The following VAV2 variants were observed in gnomAD, a reference collection of about 807,000 sequenced individuals.
VAV2 encodes vav guanine nucleotide exchange factor 2.
In VAV2, 67 loss-of-function variants were observed where a neutral mutation model predicts 132.5. The observed-to-expected ratio is 0.51, with a 90% CI of 0.42 to 0.62. The LOEUF is 0.62. VAV2 is among the 20% of genes least tolerant of loss of function. The probability of loss-of-function intolerance (pLI) is 0.00; values close to 1 mark genes in which losing one functional copy is unlikely to be tolerated. For missense variants in VAV2, 938 were observed against 1,153.6 expected (o/e 0.81, Z 2.71); for synonymous variants, 492 against 443.5 (o/e 1.11, Z -1.37).
At chr9:133,894,839 C>T (rs1356524998) in intron 2 of VAV2, among the ~76,000 whole-genome samples, 3 of 152,208 alleles carry the variant, frequency 2.0e-5, no homozygotes, top group African/African-American at 7.2e-5. Flanking sequence ...CAGGGCCTGC[C>T]ATGACGCTAT....
At chr9:133,968,026 T>C (rs1372139320) in intron 1 of VAV2, among the ~76,000 whole-genome samples, 2 of 144,618 alleles carry the variant, frequency 1.4e-5, no homozygotes, top group Non-Finnish European at 3.0e-5. Context: ...AGGGACAGAG[T>C]GGAATGATGG....
chr9:133,890,559 T>C (rs1424370836), intron 2 of VAV2, among the ~76,000 whole-genome samples: 1 of 151,806 alleles, frequency 6.6e-6, no homozygotes, highest in Non-Finnish European at 1.5e-5. Flanking sequence ...CCTTTGTCCA[T>C]GAGAGGCAGA....
intron 1 of VAV2, among the ~76,000 whole-genome samples, chr9:133,971,785 G>C (rs1490081427): frequency 6.6e-6 from 1 of 152,152 alleles, no homozygotes; most frequent in Non-Finnish European, 1.5e-5. Context: ...GCACCACCCG[G>C]GTCCTGAATC....
chr9:133,991,673 CA>C lies in VAV2; in HGVS notation c.204+401del, dbSNP rs1392190317. Reference sequence around the variant, plus strand: ...GCCCGCTCTTCCACCGGCGTCCGGCCAGGAGGCGCGAGGCCCAAGGATGCGA... The same window carrying C: ...GCCCGCTCTTCCACCGGCGTCCGGCCGGAGGCGCGAGGCCCAAGGATGCGA... On this transcript the variant is annotated intron_variant, in intron 1 of 29. Coordinates refer to ENST00000371850, the MANE Select transcript of VAV2 (RefSeq NM_001134398.2). The surrounding 1 kb of genome is among the most constrained non-coding windows in gnomAD (Gnocchi z 4.8). 2.6e-5 allele frequency among the ~76,000 whole-genome samples: 4 copies of C among 151,370 alleles called. No individual in the cohort carries two copies. Among genetic ancestry groups the C allele is most frequent in the African/African-American group, 9.7e-5 (4 of 41,340 alleles).
chr9:133,863,612 A>G lies in VAV2; in HGVS notation c.322-2180T>C, dbSNP rs73662307. ...CGCTTTGCCCCAGGATGAACGTGTCACGAGCAGCTGATGAAGGGCTCTGGA... is the reference window on the plus strand; with the variant it reads ...CGCTTTGCCCCAGGATGAACGTGTCGCGAGCAGCTGATGAAGGGCTCTGGA... On this transcript the variant is annotated intron_variant, in intron 2 of 29. Coordinates refer to ENST00000371850, the MANE Select transcript of VAV2 (RefSeq NM_001134398.2). The surrounding 1 kb of genome is among the most constrained non-coding windows in gnomAD (Gnocchi z 5.0). Among the ~76,000 whole-genome samples the G allele has an allele frequency of 0.028, 4,272 of 152,224 alleles. 189 individuals carry two copies. Among genetic ancestry groups the G allele is most frequent in the African/African-American group, 0.096 (3,981 of 41,516 alleles).
chr9:133,792,228 G>T (rs1834510783), intron 12 of VAV2, among the ~76,000 whole-genome samples: 1 of 147,846 alleles, frequency 6.8e-6, no homozygotes, highest in Non-Finnish European at 1.5e-5. Flanking sequence ...TGTGCTGGTT[G>T]GGGTGTGTGT....
chr9:133,842,616 G>C (rs1171802703), intron 3 of VAV2, among the ~76,000 whole-genome samples: 1 of 152,224 alleles, frequency 6.6e-6, no homozygotes, highest in Non-Finnish European at 1.5e-5. Flanking sequence ...ACACTATCGG[G>C]GGGTGGTGGG....
Position 133,777,395 on chromosome 9 carries a change from A to T in VAV2, c.1959T>A (p.Asp653Glu), listed in dbSNP as rs745423288. The change falls in exon 23 of 30, where the codon GAT becomes GAA. Residue 653 changes from aspartate to glutamate, a missense_variant. Asp to Glu is a conservative substitution (Grantham distance 45). Coordinates refer to ENST00000371850, the MANE Select transcript of VAV2 (RefSeq NM_001134398.2). The part of the protein sequence containing the change: ...PSSSVKPCPV[D>E]GRPPISRPPS... ...TCTGTGGGAAAGGACTCACCCTTCC[A>T]TCCACAGGGCAGGGCTTCACAGATG... 9.3e-6 allele frequency: 15 copies of T among 1,613,638 alleles called. No individual in the cohort carries two copies. The highest frequency in any genetic ancestry group is 1.3e-5 in the Non-Finnish European group (15 of 1,179,980).
intron 4 of VAV2, among the ~76,000 whole-genome samples, chr9:133,820,777 TGGA>T: frequency 6.6e-6 from 1 of 152,120 alleles, no homozygotes; most frequent in Non-Finnish European, 1.5e-5. Context: ...GGGGCTGGGC[TGGA>T]GGAGGGGTAT....
rs1011637301 is a variant in VAV2, at chr9:133,991,145, G to A, written c.204+930C>T. ...GGGCTGCTGAGCTGGCTGGAAGACC[G>A]CACCTCCTCGGCGCTGGGTGGACCC... is the stretch of plus-strand genomic sequence containing the variant. On this transcript the variant is annotated intron_variant, in intron 1 of 29. Coordinates refer to ENST00000371850, the MANE Select transcript of VAV2 (RefSeq NM_001134398.2). The surrounding 1 kb of genome is among the most constrained non-coding windows in gnomAD (Gnocchi z 4.8). 6.6e-6 allele frequency among the ~76,000 whole-genome samples: 1 copy of A among 152,028 alleles called. No homozygotes were observed. The highest frequency in any genetic ancestry group is 1.5e-5 in the Non-Finnish European group (1 of 68,006).
Position 133,842,113 on chromosome 9 carries a change from C to G in VAV2, c.381-7773G>C, listed in dbSNP as rs2428119. Among the ~76,000 whole-genome samples, 1,399 of 152,320 alleles carry G rather than the reference C, an allele frequency of 9.2e-3. 19 individuals carry two copies. Among genetic ancestry groups the G allele is most frequent in the African/African-American group, 0.032 (1,315 of 41,552 alleles). Reference sequence around the variant, plus strand: ...TGACGATTGCAGAAGGTACAGAAATCAGTGCTTGGCTCATCCAGCCATCAT... The same window carrying G: ...TGACGATTGCAGAAGGTACAGAAATGAGTGCTTGGCTCATCCAGCCATCAT... On this transcript the variant is annotated intron_variant, in intron 3 of 29. Coordinates refer to ENST00000371850, the MANE Select transcript of VAV2 (RefSeq NM_001134398.2).
chr9:133,936,633 C>T (rs1425684523), intron 2 of VAV2, among the ~76,000 whole-genome samples: 1 of 152,178 alleles, frequency 6.6e-6, no homozygotes, highest in African/African-American at 2.4e-5. Context: ...TTTTAAGCGA[C>T]CGGTGGGGGG....
chr9:133,951,870 C>T (rs887874031), intron 1 of VAV2, among the ~76,000 whole-genome samples: 5 of 152,152 alleles, frequency 3.3e-5, no homozygotes, highest in African/African-American at 9.7e-5. Context: ...ACAGCAAAAT[C>T]CCACAGCCCG....
intron 2 of VAV2, among the ~76,000 whole-genome samples, chr9:133,870,235 A>C (rs1195251516): frequency 1.3e-5 from 2 of 152,156 alleles, no homozygotes; most frequent in African/African-American, 2.4e-5. Flanking sequence ...CATCAATATC[A>C]GAAGTTTCTT....
At chr9:133,888,657 C>T (rs963680490) in intron 2 of VAV2, among the ~76,000 whole-genome samples, 1 of 152,180 alleles carries the variant, frequency 6.6e-6, no homozygotes, top group Non-Finnish European at 1.5e-5. Flanking sequence ...ATCGTGGACA[C>T]GATAAGACCA....
In VAV2 at chr9:133,797,475, C is replaced by T. The variant is rs146684782; in HGVS notation, c.936+235G>A. On this transcript the variant is annotated intron_variant, in intron 10 of 29. Coordinates refer to ENST00000371850, the MANE Select transcript of VAV2 (RefSeq NM_001134398.2). ...GCTGAGTCAGATTCAGTCCCAAGGA[C>T]GTTTCTCCATGGGGAGTCTCACTGT... is the stretch of plus-strand genomic sequence containing the variant. 2.5e-3 allele frequency among the ~76,000 whole-genome samples: 385 copies of T among 152,304 alleles called. 1 individual carries two copies. Among genetic ancestry groups the T allele is most frequent in the African/African-American group, 8.1e-3 (337 of 41,570 alleles).
intron 3 of VAV2, among the ~76,000 whole-genome samples, chr9:133,835,212 G>C (rs946536684): frequency 6.6e-6 from 1 of 152,170 alleles, no homozygotes; most frequent in Non-Finnish European, 1.5e-5. Context: ...TCAAGAACCT[G>C]GAGGGGTGGA....
rs190311136 is a variant in VAV2 at position 133,778,541 on chromosome 9, C to T, written c.1890+221G>A. Among the ~76,000 whole-genome samples, 57 of 152,336 alleles carry T rather than the reference C, an allele frequency of 3.7e-4. No homozygotes were observed. The East Asian group carries it at 9.6e-3, about 26-fold the overall frequency. On this transcript the variant is annotated intron_variant, in intron 22 of 29. Coordinates refer to ENST00000371850, the MANE Select transcript of VAV2 (RefSeq NM_001134398.2). ...CGCCTACCATGTCAAAGCAAACACCCGGGGAGCCCAAGCTAAGGTTCCCAA... is the reference window on the plus strand; with the variant it reads ...CGCCTACCATGTCAAAGCAAACACCTGGGGAGCCCAAGCTAAGGTTCCCAA...
chr9:133,953,848 C>A (rs1038198972), intron 1 of VAV2, among the ~76,000 whole-genome samples: 2 of 152,188 alleles, frequency 1.3e-5, no homozygotes, highest in African/African-American at 4.8e-5. Flanking sequence ...AGGCACCTGG[C>A]CCGAGTACCC....
Sources: allele counts gnomAD v4.1 joint callset (sites outside exome capture counted in the v4.1 genomes callset), GRCh38; gene constraint gnomAD v4.1.1; non-coding constraint Gnocchi (gnomAD v3.1); transcripts MANE v1.5; gene names NCBI Gene and HGNC (gene_info 2026-07-23, HGNC 2026-07-21).